COLGALT2: variants seen among roughly 807,000 people sequenced by gnomAD.
The protein encoded by COLGALT2 is collagen beta(1-O)galactosyltransferase 2, also known as procollagen galactosyltransferase 2.
COLGALT2 carries 49 observed loss-of-function variants against 73.4 expected under a neutral mutation model. The observed-to-expected ratio is 0.67, with a 90% confidence interval of 0.53 to 0.85. COLGALT2 has a LOEUF of 0.85. Among genes scored for constraint, COLGALT2 ranks in the 40% least tolerant of loss-of-function variants. The pLI is 0.00. For missense variants in COLGALT2, 722 were observed against 790.2 expected, an observed-to-expected ratio of 0.91 and a Z score of 1.03; for synonymous variants, 295 against 307.6, an observed-to-expected ratio of 0.96 and a Z score of 0.43.
intron 1 of COLGALT2, among the ~76,000 whole-genome samples, chr1:184,026,008 GA>G (rs1226944844): frequency 6.6e-6 from 1 of 152,156 alleles, no homozygotes; most frequent in Non-Finnish European, 1.5e-5. Context: ...AATTGCCCTG[GA>G]TCATCAAATG....
chr1:183,967,146 C>T (rs1243315724), intron 5 of COLGALT2, among the ~76,000 whole-genome samples: 6 of 152,322 alleles, frequency 3.9e-5, no homozygotes, highest in Admixed American at 2.0e-4. Flanking sequence ...GAGATAAGTA[C>T]AATATTACCT....
At chr1:183,972,714 T>G (rs1277867610) in intron 4 of COLGALT2, among the ~76,000 whole-genome samples, 1 of 152,060 alleles carries the variant, frequency 6.6e-6, no homozygotes, top group East Asian at 1.9e-4. Context: ...TTTTTTTCTT[T>G]TTTGAGAGGG....
At chr1:183,952,490 A>G (rs1670428624) in intron 7 of COLGALT2, among the ~76,000 whole-genome samples, 1 of 152,212 alleles carries the variant, frequency 6.6e-6, no homozygotes, top group African/African-American at 2.4e-5. Flanking sequence ...AGAATAAAGG[A>G]GAAACTTTGT....
At chr1:183,946,162 A>C (rs1001255734) in intron 8 of COLGALT2, 1 of 152,378 alleles carries the variant, frequency 6.6e-6, no homozygotes, top group Non-Finnish European at 1.5e-5. Flanking sequence ...TCTTGATTTG[A>C]CCTGACTCAG....
At chr1:183,979,752 A>G (rs1671298480) in intron 1 of COLGALT2, among the ~76,000 whole-genome samples, 1 of 152,112 alleles carries the variant, frequency 6.6e-6, no homozygotes, top group Non-Finnish European at 1.5e-5. Context: ...ATATTAACAT[A>G]CCACTTTCAG....
intron 1 of COLGALT2, among the ~76,000 whole-genome samples, chr1:183,987,598 G>A (rs80263077): frequency 6.6e-6 from 1 of 152,102 alleles, no homozygotes; most frequent in Non-Finnish European, 1.5e-5. Flanking sequence ...CTGAGGACAG[G>A]GACTGTCCCA....
chr1:183,972,230 C>T (rs972327869), intron 4 of COLGALT2, among the ~76,000 whole-genome samples: 18 of 152,138 alleles, frequency 1.2e-4, no homozygotes, highest in Admixed American at 4.6e-4. Context: ...CTCAGCCTCC[C>T]GAATAGATGG....
At chr1:183,957,705 T>C (rs1389321144) in intron 6 of COLGALT2, among the ~76,000 whole-genome samples, 2 of 152,048 alleles carry the variant, frequency 1.3e-5, no homozygotes, top group African/African-American at 2.4e-5. Context: ...CTCAACACTA[T>C]ATTTAAGGGC....
At chr1:183,943,734 G>T (rs146787221) in intron 10 of COLGALT2, among the ~76,000 whole-genome samples, 42 of 152,286 alleles carry the variant, frequency 2.8e-4, no homozygotes, top group African/African-American at 8.4e-4. Flanking sequence ...CTCCCTGGCT[G>T]ACCCTCTAAC....
chr1:183,982,406 AG>A (rs140678909), intron 1 of COLGALT2, among the ~76,000 whole-genome samples: 2,578 of 152,316 alleles, frequency 0.017, 78 homozygotes, highest in African/African-American at 0.059. Flanking sequence ...ACCAACGTCC[AG>A]GGTACGCCAT....
At chr1:183,992,010 T>C (rs1273168550) in intron 1 of COLGALT2, among the ~76,000 whole-genome samples, 5 of 152,172 alleles carry the variant, frequency 3.3e-5, no homozygotes, top group African/African-American at 1.2e-4. Flanking sequence ...TGTGTTGCTG[T>C]TGCCTTTACT....
At chr1:183,958,783 C>T (rs1670619679) in intron 6 of COLGALT2, among the ~76,000 whole-genome samples, 1 of 150,756 alleles carries the variant, frequency 6.6e-6, no homozygotes, top group Non-Finnish European at 1.5e-5. Flanking sequence ...TAATTACCTT[C>T]TCTTTTACAT....
chr1:184,006,154 T>G (rs1358412679), intron 1 of COLGALT2, among the ~76,000 whole-genome samples: 1 of 152,222 alleles, frequency 6.6e-6, no homozygotes, highest in South Asian at 2.1e-4. Flanking sequence ...CTTGAAAACA[T>G]TCTTTCATTC....
Position 183,969,465 on chromosome 1 carries a change from A to G in COLGALT2, c.636T>C (p.Tyr212=). The G allele has an allele frequency of 6.2e-7, 1 of 1,608,610 alleles. No individual in the cohort carries two copies. Among genetic ancestry groups the G allele is most frequent in the Non-Finnish European group, 8.5e-7 (1 of 1,177,632 alleles). ...FWCGITPKGF[Y]KRTPDYVQIR... ...TCTGAACGTAGTCTGGGGTCCTCTT[A>G]TAGAAGCCCTGTAAAAGAGCAAATA... The change falls in exon 5 of 12, where the codon TAT becomes TAC. Residue 212 remains tyrosine (Y), a synonymous_variant. Transcript: ENST00000361927.
At chr1:184,012,953 G>A (rs74130992) in intron 1 of COLGALT2, among the ~76,000 whole-genome samples, 28,979 of 152,216 alleles carry the variant, frequency 0.19, 4,933 homozygotes, top group African/African-American at 0.46. Flanking sequence ...AGAAGAGGGC[G>A]GGCCCTCAAG....
intron 1 of COLGALT2, among the ~76,000 whole-genome samples, chr1:183,983,496 G>A (rs1203699270): frequency 6.6e-6 from 1 of 152,216 alleles, no homozygotes; most frequent in Non-Finnish European, 1.5e-5. Flanking sequence ...GCTATTCAGA[G>A]GGTTGGACAG....
intron 7 of COLGALT2, among the ~76,000 whole-genome samples, chr1:183,952,363 T>C (rs879646749): frequency 2.6e-5 from 4 of 152,170 alleles, no homozygotes; most frequent in Non-Finnish European, 4.4e-5. Context: ...GACATTAATG[T>C]TTATGGGTCC....
At chr1:184,023,715 T>C (rs1649246653) in intron 1 of COLGALT2, among the ~76,000 whole-genome samples, 1 of 151,944 alleles carries the variant, frequency 6.6e-6, no homozygotes, top group East Asian at 1.9e-4. Context: ...TATGATAAAA[T>C]TAAATCTAAC....
In COLGALT2 at chr1:183,938,685, G is replaced by A; in HGVS notation, c.*76C>T. The A allele has an allele frequency of 6.4e-7, 1 of 1,553,710 alleles. No homozygotes were observed. On this transcript the variant is annotated 3_prime_UTR_variant, in exon 12 of 12. Coordinates refer to ENST00000361927, the MANE Select transcript of COLGALT2 (RefSeq NM_015101.4). Reference sequence around the variant, plus strand: ...TAAGAACAAAACAAAACAGAAAACTGGAGCAAACAGATGAATAGCCCTTTA... The same window carrying A: ...TAAGAACAAAACAAAACAGAAAACTAGAGCAAACAGATGAATAGCCCTTTA...
Sources: allele counts gnomAD v4.1 joint callset (sites outside exome capture counted in the v4.1 genomes callset), GRCh38; gene constraint gnomAD v4.1.1; transcripts MANE v1.5; gene names NCBI Gene and HGNC (gene_info 2026-07-23, HGNC 2026-07-21).